Variants in MICU3 observed in about 807,000 individuals in gnomAD.
The protein encoded by MICU3 is calcium uptake protein 3, mitochondrial.
MICU3 carries 62 observed loss-of-function variants against 66.5 expected under a neutral mutation model. The ratio of observed to expected loss-of-function variants is 0.93; its 90% CI spans 0.76 to 1.15. MICU3 has a LOEUF of 1.15. Among genes scored for constraint, MICU3 ranks in the 50% most tolerant of loss-of-function variants. The pLI, the probability that MICU3 is intolerant of heterozygous loss-of-function variation, is 0.00. For synonymous variants in MICU3, 308 were observed against 240.7 expected, an observed-to-expected ratio of 1.28 and a Z score of -2.59; for missense variants, 779 against 664.4, an observed-to-expected ratio of 1.17 and a Z score of -1.90.
intron 11 of MICU3, among the ~76,000 whole-genome samples, chr8:17,113,345 C>A (rs905943304): frequency 7.2e-5 from 11 of 152,216 alleles, no homozygotes; most frequent in Admixed American, 6.5e-4. Context: ...CTCCTCTTGT[C>A]CAAATGTGTA....
chr8:17,094,336 A>T (rs923073957), intron 8 of MICU3, among the ~76,000 whole-genome samples: 3 of 152,080 alleles, frequency 2.0e-5, no homozygotes, highest in Non-Finnish European at 4.4e-5. Context: ...TTTTGTTTAC[A>T]TATGTTATGT....
chr8:17,085,410 G>C, intron 6 of MICU3, 92 bp downstream of exon 6: 1 of 691,472 alleles, frequency 1.4e-6, no homozygotes, highest in Non-Finnish European at 2.4e-6. Context: ...CTACTGTAGA[G>C]AAAAGAGTGA....
intron 1 of MICU3, among the ~76,000 whole-genome samples, chr8:17,055,253 G>A (rs917096190): frequency 6.8e-5 from 10 of 147,882 alleles, no homozygotes; most frequent in Non-Finnish European, 5.9e-5. Context: ...GCAGTTTAGT[G>A]TTTCCTGAAA....
chr8:17,060,784 C>G (rs1305855242), intron 1 of MICU3, among the ~76,000 whole-genome samples: 1 of 150,084 alleles, frequency 6.7e-6, no homozygotes, highest in Non-Finnish European at 1.5e-5. Context: ...TATACATATT[C>G]TTTTTTTTAG....
chr8:17,119,015 A>G (rs1802963053), intron 14 of MICU3, among the ~76,000 whole-genome samples: 1 of 152,202 alleles, frequency 6.6e-6, no homozygotes, highest in Non-Finnish European at 1.5e-5. Context: ...TTAGCACCCA[A>G]AGAATATTTG....
intron 3 of MICU3, among the ~76,000 whole-genome samples, chr8:17,076,455 T>C (rs1002695785): frequency 3.3e-5 from 5 of 152,172 alleles, no homozygotes; most frequent in African/African-American, 1.2e-4. Context: ...CCATTCCTAT[T>C]CTATAATCAG....
At chr8:17,102,877 G>C (rs748368750) in intron 9 of MICU3, 1 of 151,814 alleles carries the variant, frequency 6.6e-6, no homozygotes, top group Non-Finnish European at 1.5e-5. Flanking sequence ...TCTCAACAAA[G>C]TAAACTGAGA....
intron 11 of MICU3, 107 bp downstream of exon 11, chr8:17,105,691 T>TA: frequency 3.5e-6 from 2 of 565,812 alleles, no homozygotes; most frequent in Non-Finnish European, 6.0e-6. Context: ...GATTAAAAGA[T>TA]ATCTTGGATG....
rs951154615 is a variant in MICU3 at position 17,104,418 on chromosome 8, A to G, written c.1012A>G (p.Thr338Ala). The G allele has an allele frequency of 7.0e-7, 1 of 1,434,600 alleles. No homozygotes were observed. Among genetic ancestry groups the G allele is most frequent in the Admixed American group, 2.0e-5 (1 of 50,434 alleles). The allele number at this position is 1,434,600 out of a possible 1,614,324, so 88.9% of individuals were successfully genotyped here. A position where few individuals can be genotyped will look rare whatever the true frequency, so the allele number is the denominator to read the frequency against. The change falls in exon 10 of 15, where the codon ACA becomes GCA. Residue 338 changes from threonine to alanine, a missense_variant. Coordinates refer to ENST00000318063, the MANE Select transcript of MICU3 (RefSeq NM_181723.3). ...TGCTGATGACATCACAAGTTTAGTA[A>G]CAGATACTACACTTCTTGTACACTT... Reference protein sequence around the residue: ...ERADDITSLVTDTTLLVHFFG... With the variant: ...ERADDITSLVADTTLLVHFFG...
intron 9 of MICU3, chr8:17,102,437 C>T (rs1801346964): frequency 6.6e-6 from 1 of 151,848 alleles, no homozygotes; most frequent in Non-Finnish European, 1.5e-5. Context: ...CATTTGTTTG[C>T]TTATATTTTA....
rs139745229 is a variant in MICU3, at chr8:17,108,859, C to T, written c.1257+3275C>T. On this transcript the variant is annotated intron_variant, in intron 11 of 14. Coordinates refer to ENST00000318063, the MANE Select transcript of MICU3 (RefSeq NM_181723.3). ...CAGTGGCTCCTACACACACTGCTCC[C>T]TCATTACCTTTGACCTCACTTCCTA... Among the ~76,000 whole-genome samples the T allele has an allele frequency of 9.2e-5, 14 of 152,262 alleles. 1 individual carries two copies. Among genetic ancestry groups the T allele is most frequent in the African/African-American group, 2.9e-4 (12 of 41,554 alleles).
intron 1 of MICU3, among the ~76,000 whole-genome samples, chr8:17,053,359 C>T (rs1387030413): frequency 6.6e-6 from 1 of 152,144 alleles, no homozygotes; most frequent in East Asian, 1.9e-4. Context: ...GACCTTAACA[C>T]AGAGTAAATT....
chr8:17,051,928 A>G (rs1816162029), intron 1 of MICU3, among the ~76,000 whole-genome samples: 1 of 152,128 alleles, frequency 6.6e-6, no homozygotes, highest in African/African-American at 2.4e-5. Flanking sequence ...GGTGGGAGGA[A>G]TAGCACCGTG....
chr8:17,095,928 A>T (rs1451538192), intron 8 of MICU3, among the ~76,000 whole-genome samples: 1 of 151,906 alleles, frequency 6.6e-6, no homozygotes, highest in Non-Finnish European at 1.5e-5. Flanking sequence ...TCAATAACAG[A>T]CTCTGAACTT....
rs754415979 is a variant in MICU3, at chr8:17,027,704, C to G, written c.381+44C>G. 1.0e-4 allele frequency: 129 copies of G among 1,262,484 alleles called. 1 individual carries two copies. In the Middle Eastern group the frequency reaches 4.0e-3, roughly 39 times the overall value. 78.2% of individuals were successfully genotyped at this position (1,262,484 alleles called of 1,614,324 possible). A position where few individuals can be genotyped will look rare whatever the true frequency, so the allele number is the denominator to read the frequency against. On this transcript the variant is annotated intron_variant, in intron 1 of 14. Coordinates refer to ENST00000318063, the MANE Select transcript of MICU3 (RefSeq NM_181723.3). ...GTCACACCTGCGCGGGGGATGTGAC[C>G]TTCGTGCCGGGTACGCAGGACCCTG...
At chr8:17,108,952 T>C (rs1487988107) in intron 11 of MICU3, among the ~76,000 whole-genome samples, 1 of 152,124 alleles carries the variant, frequency 6.6e-6, no homozygotes, top group African/African-American at 2.4e-5. Context: ...AAATCTTCTG[T>C]CTTAGGGCTT....
chr8:17,066,517 C>CTATATATATA (rs71212675), intron 2 of MICU3, among the ~76,000 whole-genome samples: 23 of 105,016 alleles, frequency 2.2e-4, no homozygotes, highest in Non-Finnish European at 3.4e-4. Flanking sequence ...TGTTAATAAT[C>CTATATATATA]TATATATATA....
intron 8 of MICU3, 93 bp from the exon 9 acceptor site, chr8:17,098,365 C>A (rs1669944180): frequency 2.3e-6 from 2 of 874,008 alleles, no homozygotes; most frequent in Non-Finnish European, 1.9e-6. Flanking sequence ...TAATGTGTTT[C>A]CTTTTCAAGG....
intron 1 of MICU3, among the ~76,000 whole-genome samples, chr8:17,055,733 C>A (rs1342857679): frequency 6.6e-6 from 1 of 152,150 alleles, no homozygotes. Flanking sequence ...CTCCTTGATC[C>A]CACTCCCAGC....
Sources: allele counts gnomAD v4.1 joint callset (sites outside exome capture counted in the v4.1 genomes callset), GRCh38; gene constraint gnomAD v4.1.1; transcripts MANE v1.5; gene names NCBI Gene and HGNC (gene_info 2026-07-23, HGNC 2026-07-21).